The following KDM2A variants were observed in gnomAD, a reference collection of about 807,000 sequenced individuals.
KDM2A encodes the protein lysine demethylase 2A, also known as lysine-specific demethylase 2A.
Under a neutral mutation model 137.3 loss-of-function variants are expected in KDM2A, and 3 were observed. The observed-to-expected ratio is 0.02, with a 90% CI of 0.01 to 0.06. KDM2A has a LOEUF of 0.06. Among genes scored for constraint, KDM2A ranks in the 10% least tolerant of loss-of-function variants. The probability of loss-of-function intolerance (pLI) is 1.00; values close to 1 mark genes in which losing one functional copy is unlikely to be tolerated. For missense variants in KDM2A, 738 were observed against 1,510.6 expected, an observed-to-expected ratio of 0.49 and a Z score of 8.48; for synonymous variants, 512 against 541.5, an observed-to-expected ratio of 0.95 and a Z score of 0.76.
intron 8 of KDM2A, 85 bp from the exon 9 acceptor site, chr11:67,217,645 CT>C: frequency 1.5e-6 from 2 of 1,370,986 alleles, no homozygotes; most frequent in Non-Finnish European, 2.0e-6. Flanking sequence ...ACCTGGTGGT[CT>C]TAATTTTGTA....
At chr11:67,205,574 C>T (rs1015072830) in intron 5 of KDM2A, among the ~76,000 whole-genome samples, 6 of 151,938 alleles carry the variant, frequency 3.9e-5, no homozygotes, top group African/African-American at 9.7e-5. Flanking sequence ...ATTACGGGCA[C>T]GCACCACCAT....
intron 2 of KDM2A, among the ~76,000 whole-genome samples, chr11:67,166,112 T>G (rs1481322254): frequency 1.3e-5 from 2 of 152,122 alleles, no homozygotes; most frequent in Non-Finnish European, 2.9e-5. Context: ...TATTTGTATT[T>G]CAGTAGGTGT....
At chr11:67,182,824 C>A (rs1011628710) in intron 5 of KDM2A, among the ~76,000 whole-genome samples, 2 of 152,190 alleles carry the variant, frequency 1.3e-5, no homozygotes, top group Non-Finnish European at 2.9e-5. Flanking sequence ...TGAGCCACTG[C>A]ACCCGGCTGG....
intron 17 of KDM2A, chr11:67,252,348 C>G (rs1859455457): frequency 3.2e-6 from 1 of 312,338 alleles, no homozygotes. Flanking sequence ...ATATACACTT[C>G]AGCAGGAACC....
intron 2 of KDM2A, among the ~76,000 whole-genome samples, chr11:67,179,306 T>C (rs1857036971): frequency 6.6e-6 from 1 of 152,174 alleles, no homozygotes; most frequent in Non-Finnish European, 1.5e-5. Context: ...GAAGTTTTGC[T>C]CTTGTTGCCC....
intron 6 of KDM2A, among the ~76,000 whole-genome samples, chr11:67,214,343 T>TA (rs1306472680): frequency 6.6e-6 from 1 of 152,088 alleles, no homozygotes; most frequent in Middle Eastern, 3.4e-3. Context: ...TAGCTGGGAC[T>TA]ACGGGCGCCC....
chr11:67,153,756 A>G (rs1856450310), intron 2 of KDM2A, among the ~76,000 whole-genome samples: 1 of 150,670 alleles, frequency 6.6e-6, no homozygotes, highest in African/African-American at 2.4e-5. Context: ...TCAAGGCTGT[A>G]GTGAGCAATA....
intron 5 of KDM2A, chr11:67,196,693 A>G (rs1857491299): frequency 3.1e-6 from 1 of 324,860 alleles, no homozygotes; most frequent in Non-Finnish European, 6.0e-6. Context: ...TGGAGACAAA[A>G]TAGAATAGTG....
intron 12 of KDM2A, among the ~76,000 whole-genome samples, chr11:67,237,452 TATTATC>T (rs199898690): frequency 0.038 from 5,707 of 151,434 alleles, 425 homozygotes; most frequent in Admixed American, 0.18. Context: ...TTATTATTAT[TATTATC>T]ATTATTATTA....
At chr11:67,154,284 A>G (rs1590729367) in intron 2 of KDM2A, among the ~76,000 whole-genome samples, 1 of 152,334 alleles carries the variant, frequency 6.6e-6, no homozygotes, top group South Asian at 2.1e-4. Flanking sequence ...ATTGTTTTAA[A>G]TTGAGGTAAA....
chr11:67,159,979 G>C (rs1352760581), intron 2 of KDM2A, among the ~76,000 whole-genome samples: 2 of 152,128 alleles, frequency 1.3e-5, no homozygotes, highest in African/African-American at 4.8e-5. Flanking sequence ...TAATGCTGCT[G>C]AACTATACAC....
intron 2 of KDM2A, among the ~76,000 whole-genome samples, chr11:67,141,683 ATATATATAT>A (rs375467196): frequency 1.1e-5 from 1 of 88,448 alleles, no homozygotes; most frequent in Non-Finnish European, 2.0e-5. Flanking sequence ...AAAAAAAAAA[ATATATATAT>A]ATATATATAT....
intron 2 of KDM2A, 48 bp downstream of exon 2, chr11:67,121,406 A>G: frequency 1.3e-6 from 2 of 1,567,112 alleles, no homozygotes; most frequent in Non-Finnish European, 8.8e-7. Context: ...AAAGTAGGAT[A>G]ACTATTTTGT....
intron 5 of KDM2A, among the ~76,000 whole-genome samples, chr11:67,194,213 A>G (rs774498148): frequency 2.5e-4 from 38 of 152,120 alleles, no homozygotes; most frequent in Non-Finnish European, 4.4e-4. Flanking sequence ...TTCTTGCTTC[A>G]ATGACAGCAA....
chr11:67,152,905 AGTGTGTGTGTGTGTGTGTGTGTGTGT>A (rs146532672), intron 2 of KDM2A, among the ~76,000 whole-genome samples: 23 of 142,728 alleles, frequency 1.6e-4, no homozygotes, highest in African/African-American at 4.9e-4. Context: ...ACAGTGCCAG[AGTGTGTGTGTGTGTGTGTGTGTGTGT>A]GTGTGTGTGT....
intron 2 of KDM2A, among the ~76,000 whole-genome samples, chr11:67,161,008 G>A (rs1025283768): frequency 2.0e-5 from 3 of 152,218 alleles, no homozygotes; most frequent in Non-Finnish European, 4.4e-5. Flanking sequence ...GCCTTTATTT[G>A]TGGCTGACGG....
intron 12 of KDM2A, among the ~76,000 whole-genome samples, chr11:67,238,408 A>G (rs1274888940): frequency 6.6e-6 from 1 of 152,172 alleles, no homozygotes; most frequent in African/African-American, 2.4e-5. Flanking sequence ...CAAAATAAGC[A>G]TTTTCCAAGA....
chr11:67,184,756 C>T (rs994245574), intron 5 of KDM2A, among the ~76,000 whole-genome samples: 2 of 152,116 alleles, frequency 1.3e-5, no homozygotes, highest in African/African-American at 2.4e-5. Flanking sequence ...TGCACATGGA[C>T]GGTCAGGCTC....
Position 67,168,630 on chromosome 11 carries a change from C to T in KDM2A, c.43-11449C>T, listed in dbSNP as rs919926442. On this transcript the variant is annotated intron_variant, in intron 2 of 20. Transcript: ENST00000529006. ...ACACACACACACACACACACACACACACACACACACACACACACACACACA... is the reference window on the plus strand; with the variant it reads ...ACACACACACACACACACACACACATACACACACACACACACACACACACA... Among the ~76,000 whole-genome samples the T allele has an allele frequency of 3.4e-4, 48 of 140,894 alleles. 1 individual carries two copies. The highest frequency in any genetic ancestry group is 1.1e-3 in the African/African-American group (41 of 36,310). 92.4% of individuals were successfully genotyped at this position (140,894 alleles called of 152,430 possible).
Sources: allele counts gnomAD v4.1 joint callset (sites outside exome capture counted in the v4.1 genomes callset), GRCh38; gene constraint gnomAD v4.1.1; transcripts MANE v1.5; gene names NCBI Gene and HGNC (gene_info 2026-07-23, HGNC 2026-07-21).